Variants in APMAP observed in about 807,000 individuals in gnomAD.
The protein encoded by APMAP is adipocyte plasma membrane associated protein.
A neutral mutation model predicts 43.6 loss-of-function variants in APMAP; 33 were observed. The observed-to-expected ratio is 0.76, with a 90% CI of 0.57 to 1.01. The LOEUF is 1.01. APMAP is among the 50% of genes least tolerant of loss of function. APMAP has a pLI of 0.00. For missense variants in APMAP, 498 were observed against 540.7 expected, an observed-to-expected ratio of 0.92 and a Z score of 0.78; for synonymous variants, 224 against 216.7, an observed-to-expected ratio of 1.03 and a Z score of -0.30.
chr20:24,983,808 T>C, intron 2 of APMAP, 95 bp downstream of exon 2: 1 of 836,656 alleles, frequency 1.2e-6, no homozygotes. Flanking sequence ...ACCTTTCAGA[T>C]CAGATTGATT....
At position 24,963,410 on chromosome 20, in the gene APMAP, G is replaced by A. The variant is rs535006956; in HGVS notation, c.*403C>T. On this transcript the variant is annotated 3_prime_UTR_variant, in exon 9 of 9. Coordinates refer to ENST00000217456, the MANE Select transcript of APMAP (RefSeq NM_020531.3). ...ATGACCGCACGTTATATATAGTAAA[G>A]AAGAACTTTGAGGCCGCAGGACAGG... 6.1e-5 allele frequency: 13 copies of A among 212,144 alleles called. No individual in the cohort carries two copies. In the East Asian group the frequency reaches 1.7e-3, roughly 27 times the overall value. 13.1% of individuals were successfully genotyped at this position (212,144 alleles called of 1,614,324 possible).
chr20:24,973,796 C>T lies in APMAP; in HGVS notation c.329-59G>A, dbSNP rs957732725. 3.2e-5 allele frequency: 48 copies of T among 1,478,146 alleles called. No homozygotes were observed. In the East Asian group the frequency reaches 5.0e-4, roughly 16 times the overall value. 91.6% of individuals were successfully genotyped at this position (1,478,146 alleles called of 1,614,324 possible). A position where few individuals can be genotyped will look rare whatever the true frequency, so the allele number is the denominator to read the frequency against. On this transcript the variant is annotated intron_variant, in intron 3 of 8. Transcript: ENST00000217456. ...GTTAGCCTAAGAAATGTGACTAAGC[C>T]GCCTTCTCCTACAAGAGGGCTTGTT...
At chr20:24,975,421 T>C (rs2088042669) in intron 3 of APMAP, among the ~76,000 whole-genome samples, 1 of 152,194 alleles carries the variant, frequency 6.6e-6, no homozygotes, top group Admixed American at 6.5e-5. Context: ...CAATACTATG[T>C]ACATTAGCAT....
At chr20:24,988,408 A>G (rs899270427) in intron 1 of APMAP, among the ~76,000 whole-genome samples, 1 of 152,196 alleles carries the variant, frequency 6.6e-6, no homozygotes, top group Non-Finnish European at 1.5e-5. Context: ...TAGAGGCTCA[A>G]TTATGTCCCA....
chr20:24,988,193 CA>C (rs2088163986), intron 1 of APMAP, among the ~76,000 whole-genome samples: 1 of 152,220 alleles, frequency 6.6e-6, no homozygotes, highest in Non-Finnish European at 1.5e-5. Context: ...TCATTATAAA[CA>C]GTAACAATCT....
intron 1 of APMAP, among the ~76,000 whole-genome samples, chr20:24,986,938 T>C (rs1351655743): frequency 6.6e-6 from 1 of 152,256 alleles, no homozygotes; most frequent in African/African-American, 2.4e-5. Context: ...AAATTCATGG[T>C]GATCTGCCTA....
At chr20:24,970,129 A>G (rs1289607366) in intron 6 of APMAP, 68 bp downstream of exon 6, 1 of 1,564,234 alleles carries the variant, frequency 6.4e-7, no homozygotes. Flanking sequence ...TAGAAGTAAC[A>G]GGCTCTGCTG....
intron 5 of APMAP, 106 bp downstream of exon 5, chr20:24,971,354 A>G: frequency 2.0e-6 from 2 of 981,438 alleles, no homozygotes; most frequent in Non-Finnish European, 3.0e-6. Context: ...GAAATATCAG[A>G]GTCTTTAGTA....
rs990770069 is a variant in APMAP at position 24,992,654 on chromosome 20, G to A, written c.35C>T (p.Pro12Leu). 5 of 1,558,746 alleles carry A rather than the reference G, an allele frequency of 3.2e-6. No homozygotes were observed. The highest frequency in any genetic ancestry group is 2.7e-5 in the African/African-American group (2 of 72,938). Residue 12 changes from proline to leucine, a missense_variant, in exon 1 of 9, where the codon CCC becomes CTC. By Grantham distance (98) the Pro-to-Leu change is moderately conservative. Coordinates refer to ENST00000217456, the MANE Select transcript of APMAP (RefSeq NM_020531.3). ...GTCTGTGACGACCTGCGGCCGCAGG[G>A]GCCGGCGCTGTCGCAGCCCGTCCGC... Reference protein sequence around the residue: ...SEADGLRQRRPLRPQVVTDDD... With the variant: ...SEADGLRQRRLLRPQVVTDDD...
chr20:24,987,052 T>G (rs1184448533), intron 1 of APMAP, among the ~76,000 whole-genome samples: 3 of 152,254 alleles, frequency 2.0e-5, no homozygotes, highest in Non-Finnish European at 2.9e-5. Context: ...GCAGTATGTA[T>G]CTGTACATGG....
At chr20:24,984,252 T>C (rs951637326) in intron 1 of APMAP, among the ~76,000 whole-genome samples, 4 of 152,196 alleles carry the variant, frequency 2.6e-5, no homozygotes, top group Admixed American at 1.3e-4. Flanking sequence ...GTGGGATACG[T>C]TGGATCAGTT....
chr20:24,971,046 CA>C, intron 5 of APMAP, among the ~76,000 whole-genome samples: 1 of 152,114 alleles, frequency 6.6e-6, no homozygotes, highest in South Asian at 2.1e-4. Context: ...CATGAGCAAT[CA>C]GGGGAGAGAA....
At chr20:24,978,691 G>T in intron 3 of APMAP, 76 bp downstream of exon 3, 1 of 1,185,842 alleles carries the variant, frequency 8.4e-7, no homozygotes, top group Middle Eastern at 2.9e-4. Flanking sequence ...TGCCACTGCA[G>T]CTGCTCCCAC....
intron 6 of APMAP, among the ~76,000 whole-genome samples, chr20:24,969,995 T>C (rs1457495019): frequency 6.6e-6 from 1 of 152,254 alleles, no homozygotes; most frequent in Non-Finnish European, 1.5e-5. Flanking sequence ...TGGCCTGTTT[T>C]ATTTCCTCAG....
chr20:24,978,738 G>GCCCCCCCCCCCCCCCCCCCC, intron 3 of APMAP, 29 bp downstream of exon 3: 1 of 1,309,734 alleles, frequency 7.6e-7, no homozygotes. Flanking sequence ...AGCCTGGAAG[G>GCCCCCCCCCCCCCCCCCCCC]CTCCCCCCCC....
At chr20:24,985,759 A>T (rs1215407442) in intron 1 of APMAP, among the ~76,000 whole-genome samples, 1 of 151,846 alleles carries the variant, frequency 6.6e-6, no homozygotes, top group African/African-American at 2.4e-5. Flanking sequence ...ATTTCCTTGA[A>T]CACATTAGTA....
At chr20:24,969,852 C>T (rs1488586995) in intron 6 of APMAP, among the ~76,000 whole-genome samples, 192 bp from the exon 7 acceptor site, 1 of 152,228 alleles carries the variant, frequency 6.6e-6, no homozygotes, top group Non-Finnish European at 1.5e-5. Flanking sequence ...AGTGTCCCCT[C>T]CAGGGAACCC....
At chr20:24,972,762 CACTGCAGGTGCTT>C (rs1600283243) in intron 4 of APMAP, among the ~76,000 whole-genome samples, 1 of 151,906 alleles carries the variant, frequency 6.6e-6, no homozygotes, top group Admixed American at 6.5e-5. Flanking sequence ...GTGGGGTGCT[CACTGCAGGTGCTT>C]ACTGTAGGGT....
intron 2 of APMAP, 85 bp from the exon 3 acceptor site, chr20:24,978,967 G>A: frequency 9.2e-7 from 1 of 1,082,052 alleles, no homozygotes; most frequent in South Asian, 1.3e-5. Flanking sequence ...TCAGTTCTTT[G>A]ATAAAGATGG....
Sources: gnomAD v4.1 joint callset for allele counts (sites outside exome capture counted in the v4.1 genomes callset) on GRCh38, gnomAD v4.1.1 for gene constraint, MANE v1.5 for transcripts, NCBI Gene and HGNC (gene_info 2026-07-23, HGNC 2026-07-21) for gene names.